SPIN2B: variants seen among roughly 807,000 people sequenced by gnomAD.
SPIN2B encodes the protein spindlin-2B.
A neutral mutation model predicts 9.3 loss-of-function variants in SPIN2B; 1 was observed. The ratio of observed to expected loss-of-function variants is 0.11; its 90% CI spans 0.04 to 0.51. SPIN2B has a LOEUF of 0.51. Ranked by LOEUF, SPIN2B falls within the 20% of genes least tolerant of loss-of-function variation. The pLI, the probability that SPIN2B is intolerant of heterozygous loss-of-function variation, is 0.94. For missense variants in SPIN2B, 32 were observed against 174.0 expected (o/e 0.18, Z 4.59); for synonymous variants, 15 against 63.4 (o/e 0.24, Z 3.63).
Position 57,121,344 on chromosome X carries a change from C to G in SPIN2B, c.-109G>C. ...GTGGCGAAGGAGGGTCAGCAGGCGA[C>G]CGGCCGAGTGAATGCTTGCAAGAGC... On this transcript the variant is annotated 5_prime_UTR_variant, in exon 1 of 2. Transcript: ENST00000434397. 1 of 730,873 alleles carries G rather than the reference C, an allele frequency of 1.4e-6. No homozygotes were observed. Among genetic ancestry groups the G allele is most frequent in the Middle Eastern group, 7.9e-4 (1 of 1,262 alleles). The allele number at this position is 730,873 out of a possible 1,213,427, so 60.2% of individuals were successfully genotyped here.
In SPIN2B at chrX:57,119,783, G is replaced by A. The variant is rs1926955526; in HGVS notation, c.*70C>T. On this transcript the variant is annotated 3_prime_UTR_variant, in exon 2 of 2. Coordinates refer to ENST00000434397, the MANE Select transcript of SPIN2B (RefSeq NM_001006681.2). The stretch of plus-strand genomic sequence containing the variant: ...TCCATAAGCTTTCAATACACTGAAA[G>A]GCAACATTTTTTGCATGTCTACAAA... 1 of 1,169,064 alleles carries A rather than the reference G, an allele frequency of 8.6e-7. No individual in the cohort carries two copies.
rs1407541690 is a variant in SPIN2B at position 57,119,722 on chromosome X, A to G, written c.*131T>C. The G allele has an allele frequency of 3.6e-6, 4 of 1,104,137 alleles. No individual in the cohort carries two copies. The highest frequency in any genetic ancestry group is 1.8e-5 in the African/African-American group (1 of 54,179). 91.0% of individuals were successfully genotyped at this position (1,104,137 alleles called of 1,213,427 possible). ...TTTGTATTTTTTAGAGCAAAACAAC[A>G]GTTAATGCTGGCAAAGATGTTTAGT... is the stretch of plus-strand genomic sequence containing the variant. On this transcript the variant is annotated 3_prime_UTR_variant, in exon 2 of 2. Coordinates refer to ENST00000434397, the MANE Select transcript of SPIN2B (RefSeq NM_001006681.2).
At position 57,121,404 on chromosome X, in the gene SPIN2B, T is replaced by C. The variant is rs757645449; in HGVS notation, c.-169A>G. 3.4e-6 allele frequency: 2 copies of C among 581,044 alleles called. No homozygotes were observed. Among genetic ancestry groups the C allele is most frequent in the East Asian group, 3.5e-4 (2 of 5,755 alleles). The allele number at this position is 581,044 out of a possible 1,213,427, so 47.9% of individuals were successfully genotyped here. A position where few individuals can be genotyped will look rare whatever the true frequency, so the allele number is the denominator to read the frequency against. The stretch of plus-strand genomic sequence containing the variant: ...AGGATCCGTAGATGAGGAGCGTGTC[T>C]AGGAGGGCGGCGAGACAGGCAAAGA... On this transcript the variant is annotated 5_prime_UTR_variant, in exon 1 of 2. The change abolishes the stop of an existing upstream ORF in the 5' untranslated region. Transcript: ENST00000434397.
At chrX:57,120,983 G>T in intron 1 of SPIN2B, 1 of 717,889 alleles carries the variant, frequency 1.4e-6, no homozygotes, top group South Asian at 7.1e-5. Flanking sequence ...GGCACCCACT[G>T]CCCTCCTTCC....
In SPIN2B at chrX:57,121,439, C is replaced by G; in HGVS notation, c.-204G>C. On this transcript the variant is annotated 5_prime_UTR_variant, in exon 1 of 2. Transcript: ENST00000434397. ...GCGAGACAGGCAAAGAGGAAGGCAGCGGCGTCCCCACCGCTTGGCTCGCTA... is the reference window on the plus strand; with the variant it reads ...GCGAGACAGGCAAAGAGGAAGGCAGGGGCGTCCCCACCGCTTGGCTCGCTA... 2.6e-6 allele frequency: 1 copy of G among 384,264 alleles called. No individual in the cohort carries two copies. The highest frequency in any genetic ancestry group is 3.3e-6 in the Non-Finnish European group (1 of 300,822). The allele number at this position is 384,264 out of a possible 1,213,427, so 31.7% of individuals were successfully genotyped here. A position where few individuals can be genotyped will look rare whatever the true frequency, so the allele number is the denominator to read the frequency against.
intron 1 of SPIN2B, chrX:57,121,033 C>T (rs1467181959): frequency 2.1e-5 from 16 of 751,553 alleles, no homozygotes; most frequent in Non-Finnish European, 2.4e-5. Context: ...CCCCTGCCTA[C>T]CCTAACCACT....
intron 1 of SPIN2B, 42 bp from the exon 2 acceptor site, chrX:57,120,673 G>T (rs1235078836): frequency 8.3e-6 from 3 of 362,809 alleles, no homozygotes; most frequent in East Asian, 8.9e-5. Flanking sequence ...CACCCAGTGT[G>T]CCACAAGGCA....
chrX:57,120,977 C>T, intron 1 of SPIN2B: 5 of 704,786 alleles, frequency 7.1e-6, no homozygotes, highest in Non-Finnish European at 8.4e-6. Flanking sequence ...TTGACCGGCA[C>T]CCACTGCCCT....
chrX:57,121,276 G>C lies in SPIN2B; in HGVS notation c.-41C>G. The C allele has an allele frequency of 1.1e-5, 8 of 760,208 alleles. No homozygotes were observed. Among genetic ancestry groups the C allele is most frequent in the Non-Finnish European group, 1.2e-5 (8 of 642,332 alleles). 62.6% of individuals were successfully genotyped at this position (760,208 alleles called of 1,213,427 possible). A position where few individuals can be genotyped will look rare whatever the true frequency, so the allele number is the denominator to read the frequency against. ...CACCGCCGGGGATCGCGGGCCTCAC[G>C]TGCCCAAATCGGACACCTCGCTGCT... On this transcript the variant is annotated 5_prime_UTR_variant, in exon 1 of 2. Transcript: ENST00000434397.
At chrX:57,120,935 G>C in intron 1 of SPIN2B, 1 of 570,982 alleles carries the variant, frequency 1.8e-6, no homozygotes. Context: ...GCTACCACTG[G>C]CGTCCACTTC....
rs1279733488 is a variant in SPIN2B at position 57,121,439 on chromosome X, C to A, written c.-204G>T. The A allele has an allele frequency of 7.8e-6, 3 of 382,826 alleles. No homozygotes were observed. In the South Asian group the frequency reaches 4.0e-4, roughly 52 times the overall value. The allele number at this position is 382,826 out of a possible 1,213,427, so 31.5% of individuals were successfully genotyped here. A position where few individuals can be genotyped will look rare whatever the true frequency, so the allele number is the denominator to read the frequency against. On this transcript the variant is annotated 5_prime_UTR_variant, in exon 1 of 2. Transcript: ENST00000434397. ...GCGAGACAGGCAAAGAGGAAGGCAG[C>A]GGCGTCCCCACCGCTTGGCTCGCTA...
Position 57,121,230 on chromosome X carries a change from G to A in SPIN2B, c.-3+8C>T. ...CCTCTCCATTCTGGCGCCCACTAAT[G>A]GCCTTGCCCTGCCTGGCGTCCACCG... On this transcript the variant is annotated splice_region_variant and intron_variant, in intron 1 of 1. Coordinates refer to ENST00000434397, the MANE Select transcript of SPIN2B (RefSeq NM_001006681.2). 1 of 759,224 alleles carries A rather than the reference G, an allele frequency of 1.3e-6. No homozygotes were observed. Among genetic ancestry groups the A allele is most frequent in the Non-Finnish European group, 1.6e-6 (1 of 642,237 alleles). The allele number at this position is 759,224 out of a possible 1,213,427, so 62.6% of individuals were successfully genotyped here. A position where few individuals can be genotyped will look rare whatever the true frequency, so the allele number is the denominator to read the frequency against.
Position 57,121,356 on chromosome X carries a change from A to C in SPIN2B, c.-121T>G, listed in dbSNP as rs942278361. 17 of 714,342 alleles carry C rather than the reference A, an allele frequency of 2.4e-5. No homozygotes were observed. Among genetic ancestry groups the C allele is most frequent in the Middle Eastern group, 8.0e-4 (1 of 1,246 alleles). 58.9% of individuals were successfully genotyped at this position (714,342 alleles called of 1,213,427 possible). ...GGTCAGCAGGCGACCGGCCGAGTGA[A>C]TGCTTGCAAGAGCGGGGAGGGTAGG... On this transcript the variant is annotated 5_prime_UTR_variant, in exon 1 of 2. Transcript: ENST00000434397.
Position 57,119,896 on chromosome X carries a change from T to C in SPIN2B, c.734A>G (p.Asp245Gly). The change falls in exon 2 of 2, where the codon GAT becomes GGT. Residue 245 changes from aspartate to glycine, a missense_variant. Coordinates refer to ENST00000434397, the MANE Select transcript of SPIN2B (RefSeq NM_001006681.2). ...KPSVYFIKFD[D>G]DFHIYVYDLV... ...ATCGTAGACATAGATATGGAAATCA[T>C]CATCAAACTTGATGAAATACACAGA... is the stretch of plus-strand genomic sequence containing the variant. 1 of 1,211,915 alleles carries C rather than the reference T, an allele frequency of 8.3e-7. No individual in the cohort carries two copies. Among genetic ancestry groups the C allele is most frequent in the Non-Finnish European group, 1.1e-6 (1 of 895,588 alleles).
chrX:57,121,286 C>T lies in SPIN2B; in HGVS notation c.-51G>A, dbSNP rs1927162800. The T allele has an allele frequency of 1.3e-5, 10 of 760,110 alleles. No homozygotes were observed. Among genetic ancestry groups the T allele is most frequent in the Non-Finnish European group, 1.6e-5 (10 of 642,224 alleles). The allele number at this position is 760,110 out of a possible 1,213,427, so 62.6% of individuals were successfully genotyped here. On this transcript the variant is annotated 5_prime_UTR_variant, in exon 1 of 2. Coordinates refer to ENST00000434397, the MANE Select transcript of SPIN2B (RefSeq NM_001006681.2). Reference sequence around the variant, plus strand: ...GATCGCGGGCCTCACGTGCCCAAATCGGACACCTCGCTGCTGCCTCCGCTA... The same window carrying T: ...GATCGCGGGCCTCACGTGCCCAAATTGGACACCTCGCTGCTGCCTCCGCTA...
In SPIN2B at chrX:57,119,877, G is replaced by T; in HGVS notation, c.753C>A (p.Val251=). The change falls in exon 2 of 2, where the codon GTC becomes GTA. Residue 251 remains valine, a synonymous_variant. Transcript: ENST00000434397. ...GTTAGGACTTTTTCACCAAATCGTA[G>T]ACATAGATATGGAAATCATCATCAA... The part of the protein sequence containing the change: ...IKFDDDFHIY[V]YDLVKKS 2 of 1,208,256 alleles carry T rather than the reference G, an allele frequency of 1.7e-6. No homozygotes were observed. The highest frequency in any genetic ancestry group is 2.2e-6 in the Non-Finnish European group (2 of 894,471).
chrX:57,119,713 C>A lies in SPIN2B; in HGVS notation c.*140G>T, dbSNP rs1349937497. On this transcript the variant is annotated 3_prime_UTR_variant, in exon 2 of 2. Transcript: ENST00000434397. ...ACACACAAGTTTGTATTTTTTAGAGCAAAACAACAGTTAATGCTGGCAAAG... is the reference window on the plus strand; with the variant it reads ...ACACACAAGTTTGTATTTTTTAGAGAAAAACAACAGTTAATGCTGGCAAAG... 8 of 1,093,534 alleles carry A rather than the reference C, an allele frequency of 7.3e-6. No homozygotes were observed. The highest frequency in any genetic ancestry group is 3.4e-4 in the Middle Eastern group (1 of 2,940). 90.1% of individuals were successfully genotyped at this position (1,093,534 alleles called of 1,213,427 possible).
chrX:57,120,873 G>A (rs2146895168), intron 1 of SPIN2B, among the ~76,000 whole-genome samples: 1 of 106,918 alleles, frequency 9.4e-6, no homozygotes, highest in South Asian at 4.4e-4. Flanking sequence ...CTGCAGAAGT[G>A]GCTGGGCCAC....
At chrX:57,121,069 C>A (rs1927123000) in intron 1 of SPIN2B, 169 bp downstream of exon 1, 1 of 754,591 alleles carries the variant, frequency 1.3e-6, no homozygotes, top group African/African-American at 2.3e-5. Flanking sequence ...GCCCTTGCTT[C>A]CCGGCGCTCA....
Sources: gnomAD v4.1 joint callset for allele counts (sites outside exome capture counted in the v4.1 genomes callset) on GRCh38, gnomAD v4.1.1 for gene constraint, MANE v1.5 for transcripts, NCBI Gene and HGNC (gene_info 2026-07-23, HGNC 2026-07-21) for gene names.